The following NFKB1 variants were observed in gnomAD, a reference collection of about 807,000 sequenced individuals.
NFKB1 encodes the protein nuclear factor kappa B subunit 1.
NFKB1 carries 9 observed loss-of-function variants against 105.1 expected under a neutral mutation model. The ratio of observed to expected loss-of-function variants is 0.09; its 90% CI spans 0.05 to 0.15. The LOEUF (loss-of-function observed/expected upper bound fraction) is 0.15. Among genes scored for constraint, NFKB1 ranks in the 10% least tolerant of loss-of-function variants. The pLI, the probability that NFKB1 is intolerant of heterozygous loss-of-function variation, is 1.00. For synonymous variants in NFKB1, 440 were observed against 442.2 expected (o/e 1.00, Z 0.06); for missense variants, 830 against 1,203.7 (o/e 0.69, Z 4.59).
intron 3 of NFKB1, among the ~76,000 whole-genome samples, chr4:102,531,621 T>C (rs1741296339): frequency 6.6e-6 from 1 of 152,222 alleles, no homozygotes; most frequent in Non-Finnish European, 1.5e-5. Flanking sequence ...CAGTGGAATG[T>C]CCTTTTCATG....
At chr4:102,591,086 G>A (rs543582367) in intron 11 of NFKB1, among the ~76,000 whole-genome samples, 38 of 152,260 alleles carry the variant, frequency 2.5e-4, no homozygotes, top group African/African-American at 7.0e-4. Flanking sequence ...AAGCCATCTC[G>A]ATAACGTAAA....
chr4:102,587,697 G>A (rs1174563383), intron 11 of NFKB1, among the ~76,000 whole-genome samples: 1 of 152,114 alleles, frequency 6.6e-6, no homozygotes, highest in Non-Finnish European at 1.5e-5. Context: ...TTTAAGAACT[G>A]TCTGGAGAAA....
rs1387651486 is a variant in NFKB1, at chr4:102,516,137, A to G, written c.-7-9375A>G. 3.3e-5 allele frequency among the ~76,000 whole-genome samples: 5 copies of G among 151,726 alleles called. No homozygotes were observed. In the East Asian group the frequency reaches 5.8e-4, roughly 18 times the overall value. On this transcript the variant is annotated intron_variant, in intron 1 of 23. Coordinates refer to ENST00000226574, the MANE Select transcript of NFKB1 (RefSeq NM_003998.4). ...TATCATGCTTATCAATTGTTCCCCC[A>G]TATATAATATGTCCTTTCTTGTCCT...
intron 5 of NFKB1, among the ~76,000 whole-genome samples, chr4:102,555,835 A>G (rs1049749517): frequency 6.6e-6 from 1 of 152,240 alleles, no homozygotes. Context: ...TGGGTAAGCT[A>G]TAGAAATTTT....
intron 11 of NFKB1, among the ~76,000 whole-genome samples, chr4:102,588,455 A>T (rs1034411428): frequency 2.3e-4 from 34 of 149,758 alleles, no homozygotes; most frequent in African/African-American, 4.7e-4. Context: ...AAAAAAAAAT[A>T]AAAAAAAAAT....
At chr4:102,577,133 C>A in intron 7 of NFKB1, 94 bp downstream of exon 7, 1 of 1,285,534 alleles carries the variant, frequency 7.8e-7, no homozygotes, top group Non-Finnish European at 1.1e-6. Flanking sequence ...CCCTTCCAGT[C>A]TCTACCCCAC....
chr4:102,587,802 A>G (rs955837932), intron 11 of NFKB1, among the ~76,000 whole-genome samples: 4 of 152,210 alleles, frequency 2.6e-5, no homozygotes, highest in Non-Finnish European at 4.4e-5. Flanking sequence ...TCTGGATTAT[A>G]AAAACTCAAG....
At chr4:102,613,854 ATTAAAT>A (rs1339549973) in intron 23 of NFKB1, among the ~76,000 whole-genome samples, 5 of 152,336 alleles carry the variant, frequency 3.3e-5, no homozygotes, top group African/African-American at 1.2e-4. Flanking sequence ...GATGTGGGTG[ATTAAAT>A]TTAACACATG....
rs752241823 is a variant in NFKB1 at position 102,578,761 on chromosome 4, T to C, written c.572-120T>C. On this transcript the variant is annotated intron_variant, in intron 7 of 23. Transcript: ENST00000226574. ...ACACTTTATTAGCAATATGAAGAGT[T>C]TCAAAAGAGGAAAAATGGGTTTTTA... is the stretch of plus-strand genomic sequence containing the variant. 3.1e-4 allele frequency: 321 copies of C among 1,043,066 alleles called. 1 individual carries two copies. Among genetic ancestry groups the C allele is most frequent in the Non-Finnish European group, 4.1e-4 (300 of 731,200 alleles). The allele number at this position is 1,043,066 out of a possible 1,614,324, so 64.6% of individuals were successfully genotyped here. A position where few individuals can be genotyped will look rare whatever the true frequency, so the allele number is the denominator to read the frequency against.
intron 8 of NFKB1, among the ~76,000 whole-genome samples, chr4:102,579,673 A>G (rs977768929): frequency 6.7e-6 from 1 of 148,498 alleles, no homozygotes; most frequent in East Asian, 1.9e-4. Context: ...ATGTATATAT[A>G]TATTAATTTA....
intron 18 of NFKB1, 26 bp from the exon 19 acceptor site, chr4:102,607,623 G>T (rs1455166430): frequency 3.7e-6 from 6 of 1,609,858 alleles, no homozygotes; most frequent in Non-Finnish European, 4.2e-6. Context: ...TTCCACTAAC[G>T]CTTTCTTGTG....
chr4:102,613,840 A>G (rs956682464), intron 23 of NFKB1, among the ~76,000 whole-genome samples: 3 of 152,168 alleles, frequency 2.0e-5, no homozygotes, highest in Middle Eastern at 3.2e-3. Flanking sequence ...ACTAAAAACA[A>G]CATGATGTGG....
rs1728946680 is a variant in NFKB1 at position 102,616,426 on chromosome 4, C to G, written c.2750-8C>G. 1 of 1,613,252 alleles carries G rather than the reference C, an allele frequency of 6.2e-7. No individual in the cohort carries two copies. Among genetic ancestry groups the G allele is most frequent in the Non-Finnish European group, 8.5e-7 (1 of 1,179,728 alleles). On this transcript the variant is annotated splice_polypyrimidine_tract_variant and splice_region_variant and intron_variant, in intron 23 of 23. Coordinates refer to ENST00000226574, the MANE Select transcript of NFKB1 (RefSeq NM_003998.4). ...TTCCCCCAGTGAATTTGTGCTTTCT[C>G]CCCTCAGACGAGCTCCGAGACAGTG...
At chr4:102,515,999 T>G (rs1382949400) in intron 1 of NFKB1, among the ~76,000 whole-genome samples, 1 of 152,170 alleles carries the variant, frequency 6.6e-6, no homozygotes, top group Non-Finnish European at 1.5e-5. Context: ...TTTAAAAGAT[T>G]TATTTGCTGA....
chr4:102,508,106 G>A (rs1739546112), intron 1 of NFKB1, among the ~76,000 whole-genome samples: 1 of 152,168 alleles, frequency 6.6e-6, no homozygotes, highest in Non-Finnish European at 1.5e-5. Flanking sequence ...ATTGATATTT[G>A]AAGAACCTCT....
At chr4:102,533,794 T>G (rs1741455857) in intron 3 of NFKB1, 51 bp from the exon 4 acceptor site, 5 of 1,498,400 alleles carry the variant, frequency 3.3e-6, no homozygotes, top group Non-Finnish European at 4.6e-6. Flanking sequence ...ATACCAAATT[T>G]GAGAAGCCTC....
intron 16 of NFKB1, among the ~76,000 whole-genome samples, chr4:102,606,012 T>C (rs4648091): frequency 0.023 from 3,438 of 152,314 alleles, 64 homozygotes; most frequent in African/African-American, 0.057. Flanking sequence ...CTACCAGATA[T>C]TTAAGAAAAC....
At chr4:102,537,070 C>G (rs753285371) in intron 4 of NFKB1, among the ~76,000 whole-genome samples, 2 of 152,118 alleles carry the variant, frequency 1.3e-5, no homozygotes, top group Non-Finnish European at 2.9e-5. Flanking sequence ...TAAAGATGGT[C>G]TGGTATAATC....
At chr4:102,514,575 C>T (rs1170609538) in intron 1 of NFKB1, among the ~76,000 whole-genome samples, 1 of 152,138 alleles carries the variant, frequency 6.6e-6, no homozygotes, top group Non-Finnish European at 1.5e-5. Context: ...AACCTGGGCT[C>T]TTTATAAATT....
Sources: allele counts gnomAD v4.1 joint callset (sites outside exome capture counted in the v4.1 genomes callset), GRCh38; gene constraint gnomAD v4.1.1; transcripts MANE v1.5; gene names NCBI Gene and HGNC (gene_info 2026-07-23, HGNC 2026-07-21).